Variants in CNTN5 observed in about 807,000 individuals in gnomAD.
The protein encoded by CNTN5 is contactin-5.
A neutral mutation model predicts 129.1 loss-of-function variants in CNTN5; 77 were observed. The ratio of observed to expected loss-of-function variants is 0.60; its 90% CI spans 0.50 to 0.72. The LOEUF is 0.72. Among genes scored for constraint, CNTN5 ranks in the 30% least tolerant of loss-of-function variants. CNTN5 has a pLI of 0.00. For missense variants in CNTN5, 1,478 were observed against 1,328.8 expected (o/e 1.11, Z -1.75); for synonymous variants, 509 against 465.6 (o/e 1.09, Z -1.20).
intron 1 of CNTN5, among the ~76,000 whole-genome samples, chr11:99,197,148 C>T (rs1385175081): frequency 2.0e-5 from 3 of 151,904 alleles, no homozygotes; most frequent in Non-Finnish European, 4.4e-5. Flanking sequence ...AAATTGGACA[C>T]ATACAACACC....
chr11:99,897,699 T>C (rs990341176), intron 6 of CNTN5, among the ~76,000 whole-genome samples: 3 of 152,046 alleles, frequency 2.0e-5, no homozygotes, highest in Admixed American at 6.6e-5. Context: ...ATGACAGATA[T>C]ATACAGAACT....
At chr11:99,033,142 C>A (rs1863490806) in intron 1 of CNTN5, among the ~76,000 whole-genome samples, 1 of 150,814 alleles carries the variant, frequency 6.6e-6, no homozygotes, top group South Asian at 2.1e-4. Flanking sequence ...TGTTTTGGTA[C>A]CAGTACCATG....
intron 24 of CNTN5, among the ~76,000 whole-genome samples, chr11:100,352,565 T>C (rs1952441130): frequency 6.6e-6 from 1 of 151,722 alleles, no homozygotes; most frequent in Admixed American, 6.6e-5. Flanking sequence ...AATTCCTTAG[T>C]CTCACAACTT....
chr11:100,216,885 G>T (rs746301850), intron 15 of CNTN5, among the ~76,000 whole-genome samples: 1 of 152,096 alleles, frequency 6.6e-6, no homozygotes, highest in Admixed American at 6.6e-5. Flanking sequence ...GCAAAACAAG[G>T]AGGGGTTTCC....
At chr11:99,360,588 G>A (rs939523813) in intron 2 of CNTN5, among the ~76,000 whole-genome samples, 3 of 152,160 alleles carry the variant, frequency 2.0e-5, no homozygotes, top group Admixed American at 6.5e-5. Flanking sequence ...TGGCCCAATG[G>A]AGTCATACTT....
intron 13 of CNTN5, among the ~76,000 whole-genome samples, chr11:100,116,542 C>T (rs1447932375): frequency 6.6e-6 from 1 of 151,118 alleles, no homozygotes; most frequent in Admixed American, 6.6e-5. Flanking sequence ...AACTTGGTTA[C>T]CTAAAAAGAG....
chr11:99,854,669 G>C (rs924586073), intron 6 of CNTN5, among the ~76,000 whole-genome samples: 1 of 152,170 alleles, frequency 6.6e-6, no homozygotes, highest in Non-Finnish European at 1.5e-5. Flanking sequence ...GAATAAGTAA[G>C]TTTAGTCTGA....
At chr11:99,360,778 C>A (rs559114226) in intron 2 of CNTN5, among the ~76,000 whole-genome samples, 1 of 152,320 alleles carries the variant, frequency 6.6e-6, no homozygotes, top group South Asian at 2.1e-4. Context: ...TGCTTGGCCA[C>A]ACCCTTGGTG....
At chr11:99,637,866 G>A (rs1220590058) in intron 3 of CNTN5, among the ~76,000 whole-genome samples, 1 of 151,830 alleles carries the variant, frequency 6.6e-6, no homozygotes, top group African/African-American at 2.4e-5. Flanking sequence ...ATCCTCCTGT[G>A]TCTCTGAGCC....
intron 13 of CNTN5, among the ~76,000 whole-genome samples, chr11:100,111,634 T>C (rs1945660999): frequency 6.6e-6 from 1 of 152,228 alleles, no homozygotes; most frequent in Admixed American, 6.5e-5. Context: ...TTTTTTATTC[T>C]TACTGTGATA....
intron 21 of CNTN5, among the ~76,000 whole-genome samples, chr11:100,319,157 T>C (rs1227119674): frequency 3.4e-5 from 5 of 149,230 alleles, no homozygotes; most frequent in Non-Finnish European, 6.0e-5. Flanking sequence ...TCTTTTCTTT[T>C]TTTTTTTTTT....
At chr11:100,156,199 T>G (rs989513932) in intron 13 of CNTN5, among the ~76,000 whole-genome samples, 1 of 152,002 alleles carries the variant, frequency 6.6e-6, no homozygotes, top group African/African-American at 2.4e-5. Context: ...TTATTTAGAG[T>G]TTTTAGCATG....
intron 3 of CNTN5, among the ~76,000 whole-genome samples, chr11:99,776,205 G>A (rs984552699): frequency 2.6e-5 from 4 of 151,864 alleles, no homozygotes; most frequent in Non-Finnish European, 4.4e-5. Flanking sequence ...GAGCCCTAGA[G>A]CATGTGACTA....
At chr11:100,323,354 C>T (rs954842819) in intron 21 of CNTN5, among the ~76,000 whole-genome samples, 1 of 152,196 alleles carries the variant, frequency 6.6e-6, no homozygotes, top group African/African-American at 2.4e-5. Flanking sequence ...GCTACTCCAA[C>T]TGATCAAGCT....
chr11:100,338,663 A>G (rs1049217078), intron 21 of CNTN5, among the ~76,000 whole-genome samples: 12 of 152,186 alleles, frequency 7.9e-5, no homozygotes, highest in African/African-American at 2.7e-4. Context: ...GAGGGAGCAC[A>G]TGAACAAGCT....
intron 15 of CNTN5, among the ~76,000 whole-genome samples, chr11:100,205,968 T>G (rs1429671506): frequency 6.6e-6 from 1 of 152,098 alleles, no homozygotes; most frequent in Non-Finnish European, 1.5e-5. Context: ...ATTCAGGAGC[T>G]GAGGATTCTG....
At position 100,234,792 on chromosome 11, in the gene CNTN5, T is replaced by TAAAAAAAAAAAA. The variant is rs781363668; in HGVS notation, c.2005+9994_2005+10005dup. ...CATTCTGCACATGTATCCCAGAATT[T>TAAAAAAAAAAAA]AAAAAAAAAAAAAAAAAAAAAAAAA... On this transcript the variant is annotated intron_variant, in intron 16 of 24. Transcript: ENST00000524871. Among the ~76,000 whole-genome samples, 7 of 102,052 alleles carry TAAAAAAAAAAAA rather than the reference T, an allele frequency of 6.9e-5. No individual in the cohort carries two copies. In the East Asian group the frequency reaches 1.0e-3, roughly 15 times the overall value. 67.0% of individuals were successfully genotyped at this position (102,052 alleles called of 152,430 possible). A position where few individuals can be genotyped will look rare whatever the true frequency, so the allele number is the denominator to read the frequency against.
At chr11:99,659,934 T>G (rs1305694119) in intron 3 of CNTN5, among the ~76,000 whole-genome samples, 2 of 152,152 alleles carry the variant, frequency 1.3e-5, no homozygotes, top group South Asian at 4.1e-4. Context: ...AAGAAAATTA[T>G]GAGCCACACA....
intron 1 of CNTN5, among the ~76,000 whole-genome samples, chr11:99,224,503 T>G (rs1219709553): frequency 6.6e-6 from 1 of 152,074 alleles, no homozygotes; most frequent in East Asian, 1.9e-4. Flanking sequence ...AATTTTCAGT[T>G]GCTTCAAGAT....
Sources: allele counts gnomAD v4.1 joint callset (sites outside exome capture counted in the v4.1 genomes callset), GRCh38; gene constraint gnomAD v4.1.1; transcripts MANE v1.5; gene names NCBI Gene and HGNC (gene_info 2026-07-23, HGNC 2026-07-21).